Variants in KIAA0825 observed in about 807,000 individuals in gnomAD.
KIAA0825 encodes the protein KIAA0825, also known as uncharacterized protein KIAA0825.
In KIAA0825, 119 loss-of-function variants were observed where a neutral mutation model predicts 147.6. That is an observed-to-expected ratio of 0.81 (90% confidence interval 0.69 to 0.94). KIAA0825 has a LOEUF of 0.94. KIAA0825 is among the 40% of genes least tolerant of loss of function. The pLI, the probability that KIAA0825 is intolerant of heterozygous loss-of-function variation, is 0.00. For missense variants in KIAA0825, 1,381 were observed against 1,472.7 expected, an observed-to-expected ratio of 0.94 and a Z score of 1.02; for synonymous variants, 470 against 518.1, an observed-to-expected ratio of 0.91 and a Z score of 1.26.
At chr5:94,610,787 GTA>G (rs374319650) in intron 1 of KIAA0825, among the ~76,000 whole-genome samples, 22,189 of 94,510 alleles carry the variant, frequency 0.23, 2,695 homozygotes, top group African/African-American at 0.3. Flanking sequence ...AAAAAAAAAA[GTA>G]TATATATATA....
At chr5:94,380,789 G>A (rs1008624648) in intron 20 of KIAA0825, among the ~76,000 whole-genome samples, 1 of 152,200 alleles carries the variant, frequency 6.6e-6, no homozygotes, top group Non-Finnish European at 1.5e-5. Context: ...CTTAAAGAAA[G>A]CATTCTATTT....
intron 20 of KIAA0825, among the ~76,000 whole-genome samples, chr5:94,165,464 TA>T (rs1440466186): frequency 2.0e-5 from 3 of 152,092 alleles, no homozygotes; most frequent in Admixed American, 1.3e-4. Flanking sequence ...CTCAAAAAAC[TA>T]AAAATAGAGC....
At chr5:94,553,909 C>T (rs1776045856) in intron 2 of KIAA0825, among the ~76,000 whole-genome samples, 1 of 152,116 alleles carries the variant, frequency 6.6e-6, no homozygotes. Flanking sequence ...GAACCCAAAT[C>T]AGCTCTTCAA....
At chr5:94,268,555 A>G (rs1329352107) in intron 20 of KIAA0825, among the ~76,000 whole-genome samples, 1 of 152,122 alleles carries the variant, frequency 6.6e-6, no homozygotes, top group Non-Finnish European at 1.5e-5. Context: ...GCTCTTTTTG[A>G]GCAAAGGCAG....
chr5:94,229,121 T>G (rs911150103), intron 20 of KIAA0825, among the ~76,000 whole-genome samples: 25 of 152,240 alleles, frequency 1.6e-4, no homozygotes, highest in African/African-American at 6.0e-4. Context: ...CTGTGTTAGA[T>G]TTCCTGCTTT....
At chr5:94,206,402 A>C (rs1173422936) in intron 20 of KIAA0825, among the ~76,000 whole-genome samples, 1 of 152,094 alleles carries the variant, frequency 6.6e-6, no homozygotes, top group Non-Finnish European at 1.5e-5. Flanking sequence ...CTCTTGTGCC[A>C]TTCCTCTTCA....
intron 20 of KIAA0825, among the ~76,000 whole-genome samples, chr5:94,340,125 C>A (rs1009213882): frequency 6.6e-6 from 1 of 151,878 alleles, no homozygotes; most frequent in African/African-American, 2.4e-5. Flanking sequence ...TTTTTGATAT[C>A]CATGGGGGAT....
rs543472893 is a variant in KIAA0825, at chr5:94,484,351, A to G, written c.1132+418T>C. Among the ~76,000 whole-genome samples the G allele has an allele frequency of 3.3e-5, 5 of 151,910 alleles. No individual in the cohort carries two copies. In the South Asian group the frequency reaches 1.0e-3, roughly 31 times the overall value. On this transcript the variant is annotated intron_variant, in intron 6 of 20. Transcript: ENST00000682413. ...AAGAAAACAAAGAGAAAATTAATGTAGTCCTACATCATTATTTTGAAGGTG... is the reference window on the plus strand; with the variant it reads ...AAGAAAACAAAGAGAAAATTAATGTGGTCCTACATCATTATTTTGAAGGTG...
chr5:94,288,494 G>C (rs956415242), intron 20 of KIAA0825, among the ~76,000 whole-genome samples: 3 of 152,154 alleles, frequency 2.0e-5, no homozygotes, highest in African/African-American at 7.2e-5. Flanking sequence ...CTTTGAGTTA[G>C]AGAAATCGGA....
At chr5:94,481,706 T>C (rs544600097) in intron 6 of KIAA0825, among the ~76,000 whole-genome samples, 3 of 152,104 alleles carry the variant, frequency 2.0e-5, no homozygotes, top group Non-Finnish European at 4.4e-5. Context: ...CTTAACCATC[T>C]AGCTAAGGAA....
intron 15 of KIAA0825, among the ~76,000 whole-genome samples, chr5:94,407,636 A>T (rs1051704406): frequency 2.0e-4 from 30 of 152,230 alleles, no homozygotes; most frequent in African/African-American, 6.8e-4. Flanking sequence ...AGTTCCAGAA[A>T]AGGCAAAATA....
At chr5:94,516,628 A>G (rs1767292224) in intron 5 of KIAA0825, among the ~76,000 whole-genome samples, 1 of 149,776 alleles carries the variant, frequency 6.7e-6, no homozygotes. Flanking sequence ...CGTCTCTACT[A>G]AAAATACAAA....
At chr5:94,197,430 G>T (rs1771239628) in intron 20 of KIAA0825, among the ~76,000 whole-genome samples, 1 of 152,098 alleles carries the variant, frequency 6.6e-6, no homozygotes, top group Admixed American at 6.5e-5. Context: ...TGTTTACTCT[G>T]TTGATAGTTT....
intron 20 of KIAA0825, among the ~76,000 whole-genome samples, chr5:94,383,329 C>T (rs895341461): frequency 1.3e-5 from 2 of 152,154 alleles, no homozygotes; most frequent in African/African-American, 4.8e-5. Flanking sequence ...AATAAAGCTG[C>T]CTCTATAACT....
intron 12 of KIAA0825, among the ~76,000 whole-genome samples, chr5:94,457,521 C>T (rs1759261332): frequency 6.6e-6 from 1 of 152,220 alleles, no homozygotes; most frequent in African/African-American, 2.4e-5. Context: ...CCTCCAGCCT[C>T]AACTAGCTAT....
At chr5:94,428,184 TG>T in intron 14 of KIAA0825, among the ~76,000 whole-genome samples, 1 of 150,022 alleles carries the variant, frequency 6.7e-6, no homozygotes, top group South Asian at 2.1e-4. Context: ...TGTGTGTGTG[TG>T]TGTGTGTGTT....
At chr5:94,307,214 G>A (rs1269971143) in intron 20 of KIAA0825, among the ~76,000 whole-genome samples, 1 of 151,614 alleles carries the variant, frequency 6.6e-6, no homozygotes, top group Non-Finnish European at 1.5e-5. Flanking sequence ...GATTTTGAAA[G>A]GAAAGAGAAT....
chr5:94,397,173 G>A (rs1472852415), intron 16 of KIAA0825, among the ~76,000 whole-genome samples: 7 of 152,054 alleles, frequency 4.6e-5, no homozygotes, highest in South Asian at 2.1e-4. Context: ...AGGCATTCCC[G>A]TATCCCTAGC....
chr5:94,362,804 C>T (rs776520470), intron 20 of KIAA0825, among the ~76,000 whole-genome samples: 6 of 152,192 alleles, frequency 3.9e-5, no homozygotes, highest in Non-Finnish European at 2.9e-5. Context: ...TATCTATTTA[C>T]TCAAAGTCTT....
Sources: gnomAD v4.1 joint callset for allele counts (sites outside exome capture counted in the v4.1 genomes callset) on GRCh38, gnomAD v4.1.1 for gene constraint, MANE v1.5 for transcripts, NCBI Gene and HGNC (gene_info 2026-07-23, HGNC 2026-07-21) for gene names.